The following CNGB3 variants were observed in gnomAD, a reference collection of about 807,000 sequenced individuals.
CNGB3 encodes the protein cyclic nucleotide gated channel subunit beta 3, also known as cyclic nucleotide-gated channel beta-3.
Under a neutral mutation model 92.8 loss-of-function variants are expected in CNGB3, and 86 were observed. That is an observed-to-expected ratio of 0.93 (90% CI 0.78 to 1.11). The LOEUF (loss-of-function observed/expected upper bound fraction) is 1.11. Among genes scored for constraint, CNGB3 ranks in the 50% least tolerant of loss-of-function variants. The pLI is 0.00. For synonymous variants in CNGB3, 333 were observed against 332.7 expected, an observed-to-expected ratio of 1.00 and a Z score of -0.01; for missense variants, 1,026 against 956.8, an observed-to-expected ratio of 1.07 and a Z score of -0.95.
intron 2 of CNGB3, among the ~76,000 whole-genome samples, chr8:86,736,097 A>T (rs965516317): frequency 1.3e-5 from 2 of 152,202 alleles, no homozygotes; most frequent in African/African-American, 4.8e-5. Flanking sequence ...TGCATTCTTC[A>T]TTTCCATGGC....
chr8:86,666,879 G>A (rs772834889), intron 6 of CNGB3, 46 bp downstream of exon 6: 9 of 1,442,200 alleles, frequency 6.2e-6, no homozygotes, highest in Non-Finnish European at 7.8e-6. Context: ...AGCCCAATTA[G>A]ATGTTATTCA....
At position 86,606,476 on chromosome 8, in the gene CNGB3, A is replaced by G. The variant is rs538771820; in HGVS notation, c.1663-2265T>C. ...TGTGCAAAATATTAAGCATATATTT[A>G]TACTCAAAAACAGATAAAAGTAGAA... On this transcript the variant is annotated intron_variant, in intron 14 of 17. Coordinates refer to ENST00000320005, the MANE Select transcript of CNGB3 (RefSeq NM_019098.5). 5.9e-5 allele frequency among the ~76,000 whole-genome samples: 9 copies of G among 152,308 alleles called. No individual in the cohort carries two copies. The East Asian group carries it at 1.7e-3, about 29-fold the overall frequency.
intron 15 of CNGB3, among the ~76,000 whole-genome samples, chr8:86,592,707 A>G (rs1235110089): frequency 2.0e-5 from 3 of 152,218 alleles, no homozygotes; most frequent in African/African-American, 7.2e-5. Flanking sequence ...ATTTCCATAT[A>G]TATATATAAC....
Position 86,611,628 on chromosome 8 carries a change from T to G in CNGB3, c.1622A>C (p.Lys541Thr), listed in dbSNP as rs747653530. The change falls in exon 14 of 18, where the codon AAA (lysine) becomes ACA (threonine). Residue 541 changes from lysine (K) to threonine (T), a missense_variant. Transcript: ENST00000320005. ...GTCACCAGGCAAATAGAGAACGGAT[T>G]TCAATCTTAGCAACATGTCATAAAT... ...QMIYDMLLRL[K>T]SVLYLPGDFV... The G allele has an allele frequency of 3.1e-6, 5 of 1,613,554 alleles. No individual in the cohort carries two copies. Among genetic ancestry groups the G allele is most frequent in the Middle Eastern group, 3.3e-4 (2 of 6,056 alleles).
chr8:86,634,310 AT>A (rs1341178715), intron 10 of CNGB3, among the ~76,000 whole-genome samples: 3 of 152,128 alleles, frequency 2.0e-5, no homozygotes, highest in Non-Finnish European at 2.9e-5. Context: ...GTGGTAGATG[AT>A]TTTGCTGAAC....
At chr8:86,591,316 G>A (rs538167316) in intron 15 of CNGB3, among the ~76,000 whole-genome samples, 91 of 59,924 alleles carry the variant, frequency 1.5e-3, no homozygotes, top group Non-Finnish European at 2.5e-3. Context: ...TAATTTGATC[G>A]TCTGAAGCCT....
At position 86,688,864 on chromosome 8, in the gene CNGB3, T is replaced by C. The variant is rs1443339110; in HGVS notation, c.339-17766A>G. ...ATTTTGGGTTTTGCTTTCTCTTGCT[T>C]CTCTTGTTCTTTAATATAGTTGTTT... is the stretch of plus-strand genomic sequence containing the variant. On this transcript the variant is annotated intron_variant, in intron 3 of 17. Transcript: ENST00000320005. Among the ~76,000 whole-genome samples the C allele has an allele frequency of 2.6e-5, 4 of 152,116 alleles. No individual in the cohort carries two copies. The East Asian group carries it at 7.7e-4, about 29-fold the overall frequency.
intron 2 of CNGB3, among the ~76,000 whole-genome samples, chr8:86,735,300 G>A (rs1382156446): frequency 6.6e-6 from 1 of 151,328 alleles, no homozygotes; most frequent in African/African-American, 2.4e-5. Context: ...CCACCACCAT[G>A]CCTGGCTAAT....
chr8:86,608,999 C>T (rs539975185), intron 14 of CNGB3, among the ~76,000 whole-genome samples: 1 of 152,288 alleles, frequency 6.6e-6, no homozygotes, highest in African/African-American at 2.4e-5. Flanking sequence ...TCGCCGCACA[C>T]AGGGAGAAGC....
rs570553767 is a variant in CNGB3, at chr8:86,647,809, T to A, written c.982A>T (p.Met328Leu). The change falls in exon 8 of 18, where the codon ATG (methionine) becomes TTG (leucine). Residue 328 changes from methionine to leucine, a missense_variant. Transcript: ENST00000320005. ...AAATATAGTTATCTTACCTTTAACA[T>A]CCTATTTGCTCTAAACATTGGATTA... ...GFNPMFRANR[M>L]LKYTSFFEFN... is the part of the protein sequence containing the mutation. The A allele has an allele frequency of 6.7e-7, 1 of 1,499,916 alleles. No individual in the cohort carries two copies. Among genetic ancestry groups the A allele is most frequent in the East Asian group, 2.3e-5 (1 of 44,160 alleles). 92.9% of individuals were successfully genotyped at this position (1,499,916 alleles called of 1,614,324 possible). A position where few individuals can be genotyped will look rare whatever the true frequency, so the allele number is the denominator to read the frequency against.
intron 3 of CNGB3, among the ~76,000 whole-genome samples, chr8:86,685,600 C>A (rs373177741): frequency 6.6e-6 from 1 of 152,080 alleles, no homozygotes; most frequent in South Asian, 2.1e-4. Flanking sequence ...TAACGATTCT[C>A]GCAAAACTCA....
chr8:86,733,055 C>T (rs904923998), intron 2 of CNGB3, among the ~76,000 whole-genome samples: 4 of 151,964 alleles, frequency 2.6e-5, no homozygotes, highest in South Asian at 2.1e-4. Context: ...TTTATATCTC[C>T]TCTAAGGTGA....
intron 13 of CNGB3, among the ~76,000 whole-genome samples, chr8:86,614,344 C>T (rs1822574875): frequency 6.6e-6 from 1 of 152,050 alleles, no homozygotes; most frequent in South Asian, 2.1e-4. Flanking sequence ...ACAGCAAGGC[C>T]CCATGGAACT....
In CNGB3 at chr8:86,575,742, T is replaced by C. The variant is rs1821644212; in HGVS notation, c.*62A>G. 1 of 1,476,980 alleles carries C rather than the reference T, an allele frequency of 6.8e-7. No homozygotes were observed. Among genetic ancestry groups the C allele is most frequent in the African/African-American group, 1.4e-5 (1 of 71,884 alleles). 91.5% of individuals were successfully genotyped at this position (1,476,980 alleles called of 1,614,324 possible). Reference sequence around the variant, plus strand: ...GTCGTTTCCCCTCGTTAATTTAAGTTACAATCCTAGGTACAATCACTTTGG... The same window carrying C: ...GTCGTTTCCCCTCGTTAATTTAAGTCACAATCCTAGGTACAATCACTTTGG... On this transcript the variant is annotated 3_prime_UTR_variant, in exon 18 of 18. Coordinates refer to ENST00000320005, the MANE Select transcript of CNGB3 (RefSeq NM_019098.5).
intron 13 of CNGB3, among the ~76,000 whole-genome samples, chr8:86,621,898 G>A (rs1006752411): frequency 1.4e-4 from 22 of 151,976 alleles, no homozygotes; most frequent in African/African-American, 4.8e-4. Flanking sequence ...CCCTGTCTCT[G>A]CTAAAAATAC....
At chr8:86,708,774 T>C (rs560954857) in intron 3 of CNGB3, among the ~76,000 whole-genome samples, 1 of 152,128 alleles carries the variant, frequency 6.6e-6, no homozygotes, top group African/African-American at 2.4e-5. Context: ...TCTTGCTCTG[T>C]TGCCCAGGCT....
intron 15 of CNGB3, chr8:86,593,659 A>G (rs1822104051): frequency 1.4e-5 from 8 of 561,704 alleles, no homozygotes; most frequent in Admixed American, 1.2e-4. Flanking sequence ...GTGGACCCTA[A>G]TGGTGTCTGT....
At position 86,688,023 on chromosome 8, in the gene CNGB3, C is replaced by T. The variant is rs1227045868; in HGVS notation, c.339-16925G>A. ...AAGAAAGGAATTATCAGGCAACCTT[C>T]AAAAAACAAACAGGGCTTCAGATTA... On this transcript the variant is annotated intron_variant, in intron 3 of 17. Coordinates refer to ENST00000320005, the MANE Select transcript of CNGB3 (RefSeq NM_019098.5). Among the ~76,000 whole-genome samples, 7 of 151,928 alleles carry T rather than the reference C, an allele frequency of 4.6e-5. 1 individual carries two copies. In the East Asian group the frequency reaches 1.2e-3, roughly 25 times the overall value.
At chr8:86,716,473 A>T (rs187007627) in intron 3 of CNGB3, among the ~76,000 whole-genome samples, 1 of 152,310 alleles carries the variant, frequency 6.6e-6, no homozygotes, top group East Asian at 1.9e-4. Flanking sequence ...TGAGGCAAAA[A>T]CATCAAGTAA....
Sources: gnomAD v4.1 joint callset for allele counts (sites outside exome capture counted in the v4.1 genomes callset) on GRCh38, gnomAD v4.1.1 for gene constraint, MANE v1.5 for transcripts, NCBI Gene and HGNC (gene_info 2026-07-23, HGNC 2026-07-21) for gene names.